MZT2B: variants seen among roughly 807,000 people sequenced by gnomAD.
The protein encoded by MZT2B is mitotic spindle organizing protein 2B.
MZT2B carries 11 observed loss-of-function variants against 12.1 expected under a neutral mutation model. The observed-to-expected ratio is 0.91, with a 90% CI of 0.57 to 1.50. MZT2B has a LOEUF of 1.50. Among genes scored for constraint, MZT2B ranks in the 40% most tolerant of loss-of-function variants. The pLI is 0.00. For missense variants in MZT2B, 209 were observed against 227.7 expected (o/e 0.92, Z 0.53); for synonymous variants, 85 against 109.5 (o/e 0.78, Z 1.40).
the MZT2B span, chr2:130,204,516 C>T: frequency 3.3e-5 from 10 of 306,164 alleles, no homozygotes; most frequent in Non-Finnish European, 5.9e-5. Context: ...CATGGTGAAA[C>T]CCCGTCTCTA....
the MZT2B span, chr2:130,204,309 G>A: frequency 5.0e-6 from 2 of 401,988 alleles, no homozygotes; most frequent in Admixed American, 3.5e-5. Flanking sequence ...AGCAGAAGGT[G>A]TGGGACAAGG....
chr2:130,182,188 G>A (rs1450173824), upstream of MZT2B: 3 of 1,258,366 alleles, frequency 2.4e-6, no homozygotes, highest in Non-Finnish European at 3.0e-6. Flanking sequence ...AGGGCAGCCC[G>A]GGAGGCCAGA....
intron 2 of MZT2B, among the ~76,000 whole-genome samples, chr2:130,190,079 G>T (rs3856376): frequency 0.36 from 55,356 of 152,038 alleles, 10,516 homozygotes; most frequent in East Asian, 0.46. Context: ...ATGAGGCAGC[G>T]CATCCCTGCT....
upstream of MZT2B, chr2:130,182,178 A>G (rs1423174320): frequency 7.9e-6 from 10 of 1,258,212 alleles, no homozygotes; most frequent in Non-Finnish European, 8.0e-6. Context: ...CCCTCCCGCC[A>G]GGGCAGCCCG....
At chr2:130,187,048 C>T (rs1690090877) in intron 2 of MZT2B, among the ~76,000 whole-genome samples, 2 of 147,124 alleles carry the variant, frequency 1.4e-5, no homozygotes, top group Non-Finnish European at 3.0e-5. Context: ...AAGACCCCAC[C>T]CATTTCTACA....
chr2:130,186,173 A>G (rs988837916), intron 2 of MZT2B, among the ~76,000 whole-genome samples: 3 of 152,078 alleles, frequency 2.0e-5, no homozygotes, highest in African/African-American at 7.2e-5. Flanking sequence ...GCTGGGGGGC[A>G]TGGAGGCCAT....
chr2:130,195,228 C>T (rs771795997), downstream of MZT2B: 22 of 1,613,680 alleles, frequency 1.4e-5, no homozygotes, highest in Non-Finnish European at 1.8e-5. Context: ...CGCACTTCAT[C>T]TGCAAAAGAG....
chr2:130,202,534 C>CAGTCCATGAGTGGGAG, the MZT2B span: 1 of 1,141,306 alleles, frequency 8.8e-7, no homozygotes, highest in Non-Finnish European at 1.1e-6. Flanking sequence ...CTCCTTGGGA[C>CAGTCCATGAGTGGGAG]TCCCACTCAT....
upstream of MZT2B, chr2:130,181,705 G>GGCGGGGAAGAGAAATGGCGAGGCAGGAGT (rs755561720): frequency 6.5e-7 from 1 of 1,548,500 alleles, no homozygotes; most frequent in East Asian, 2.4e-5. Context: ...AGGCCGGCCG[G>GGCGGGGAAGAGAAATGGCGAGGCAGGAGT]GCGGGGAAGA....
the MZT2B span, among the ~76,000 whole-genome samples, chr2:130,204,709 G>T: frequency 3.1e-4 from 43 of 138,746 alleles, no homozygotes; most frequent in African/African-American, 1.1e-3. Flanking sequence ...AAAAAAGGGG[G>T]GGTGGGGAGG....
At chr2:130,196,506 G>T in the MZT2B span, 2 of 1,264,638 alleles carry the variant, frequency 1.6e-6, no homozygotes, top group Non-Finnish European at 2.2e-6. Context: ...TTTCCTAGGA[G>T]GGTTAGTGAC....
chr2:130,202,504 T>C, the MZT2B span: 1 of 1,267,996 alleles, frequency 7.9e-7, no homozygotes, highest in Non-Finnish European at 1.0e-6. Context: ...AAGGTTCATT[T>C]CATACAGATG....
upstream of MZT2B, chr2:130,182,206 G>T: frequency 8.1e-7 from 1 of 1,238,542 alleles, no homozygotes; most frequent in Admixed American, 4.2e-5. Flanking sequence ...AGACGTTGAC[G>T]CTGCAGGGAG....
the MZT2B span, among the ~76,000 whole-genome samples, chr2:130,200,349 C>T: frequency 1.3e-5 from 2 of 151,738 alleles, no homozygotes; most frequent in Admixed American, 6.6e-5. Context: ...CGAGATAACA[C>T]CACTGCACTC....
intron 2 of MZT2B, chr2:130,184,655 T>G (rs1689988525): frequency 1.0e-6 from 1 of 984,350 alleles, no homozygotes; most frequent in African/African-American, 1.8e-5. Context: ...AGGCCTGGAG[T>G]AGGGGTGTAT....
intron 2 of MZT2B, among the ~76,000 whole-genome samples, chr2:130,187,481 C>T (rs145353198): frequency 1.8e-3 from 273 of 152,314 alleles, no homozygotes; most frequent in African/African-American, 6.3e-3. Context: ...GAGCCACTGA[C>T]CCCTGCTGAG....
At chr2:130,195,853 C>T in the MZT2B span, among the ~76,000 whole-genome samples, 3 of 152,266 alleles carry the variant, frequency 2.0e-5, no homozygotes, top group Non-Finnish European at 2.9e-5. Flanking sequence ...TGCCACTGCA[C>T]CCTGCAGGCA....
upstream of MZT2B, chr2:130,182,011 G>A: frequency 1.5e-6 from 2 of 1,368,802 alleles, no homozygotes; most frequent in Non-Finnish European, 1.9e-6. Context: ...CACGACCAAT[G>A]CAGTCTATCA....
chr2:130,187,422 C>T (rs958039268), intron 2 of MZT2B, among the ~76,000 whole-genome samples: 2 of 152,180 alleles, frequency 1.3e-5, no homozygotes, highest in African/African-American at 2.4e-5. Flanking sequence ...CTTCTGGCCT[C>T]AAAGGATCCT....
Sources: allele counts gnomAD v4.1 joint callset (sites outside exome capture counted in the v4.1 genomes callset), GRCh38; gene constraint gnomAD v4.1.1; transcripts MANE v1.5; gene names NCBI Gene and HGNC (gene_info 2026-07-23, HGNC 2026-07-21).